PCSK2: variants seen among roughly 807,000 people sequenced by gnomAD.
PCSK2 encodes neuroendocrine convertase 2.
Under a neutral mutation model 69.7 loss-of-function variants are expected in PCSK2, and 14 were observed. The ratio of observed to expected loss-of-function variants is 0.20; its 90% CI spans 0.13 to 0.31. The LOEUF (loss-of-function observed/expected upper bound fraction) is 0.31, where lower values mean the gene tolerates loss of function less well. Among genes scored for constraint, PCSK2 ranks in the 10% least tolerant of loss-of-function variants. PCSK2 has a pLI of 1.00. For synonymous variants in PCSK2, 307 were observed against 320.7 expected, an observed-to-expected ratio of 0.96 and a Z score of 0.46; for missense variants, 544 against 842.5, an observed-to-expected ratio of 0.65 and a Z score of 4.39.
intron 3 of PCSK2, among the ~76,000 whole-genome samples, chr20:17,358,701 T>C (rs373723021): frequency 4.6e-5 from 7 of 152,232 alleles, no homozygotes; most frequent in African/African-American, 1.7e-4. Context: ...TCTTCAGTTC[T>C]GAAAAAGTGC....
chr20:17,273,803 C>G (rs1987955976), intron 2 of PCSK2, among the ~76,000 whole-genome samples: 1 of 152,130 alleles, frequency 6.6e-6, no homozygotes, highest in South Asian at 2.1e-4. Context: ...GTCACAAGTC[C>G]AGCATGAGCT....
At chr20:17,469,618 A>G (rs922445504) in intron 11 of PCSK2, among the ~76,000 whole-genome samples, 3 of 152,114 alleles carry the variant, frequency 2.0e-5, no homozygotes, top group African/African-American at 7.2e-5. Flanking sequence ...TCTAAACCCA[A>G]ACCCCAGGCT....
chr20:17,284,115 C>A (rs1988427060), intron 2 of PCSK2, among the ~76,000 whole-genome samples: 1 of 152,192 alleles, frequency 6.6e-6, no homozygotes, highest in Non-Finnish European at 1.5e-5. Context: ...TGGGAGTTAA[C>A]AAAGCTCTGT....
chr20:17,469,285 G>C (rs2033161300), intron 11 of PCSK2, among the ~76,000 whole-genome samples: 1 of 152,204 alleles, frequency 6.6e-6, no homozygotes, highest in African/African-American at 2.4e-5. Context: ...TGCATGCTAT[G>C]TGCTTTCATA....
At chr20:17,347,848 GAA>G (rs1470464025) in intron 2 of PCSK2, among the ~76,000 whole-genome samples, 3 of 110,104 alleles carry the variant, frequency 2.7e-5, no homozygotes, top group Non-Finnish European at 5.7e-5. Flanking sequence ...AAGAAAGAAA[GAA>G]AGAAAGAAAG....
At chr20:17,281,946 T>C (rs1274437171) in intron 2 of PCSK2, among the ~76,000 whole-genome samples, 1 of 152,106 alleles carries the variant, frequency 6.6e-6, no homozygotes, top group Non-Finnish European at 1.5e-5. Flanking sequence ...ACTGTTGCCC[T>C]TAGGTACCTC....
chr20:17,379,103 C>T (rs548665031), intron 5 of PCSK2, among the ~76,000 whole-genome samples: 1 of 152,334 alleles, frequency 6.6e-6, no homozygotes, highest in South Asian at 2.1e-4. Flanking sequence ...TTGTCCCTCT[C>T]CTCATGTGCC....
At chr20:17,406,199 A>G (rs2031746412) in intron 5 of PCSK2, among the ~76,000 whole-genome samples, 1 of 152,200 alleles carries the variant, frequency 6.6e-6, no homozygotes, top group South Asian at 2.1e-4. Context: ...CCTGTACACA[A>G]ATAACTTTAT....
chr20:17,358,464 G>A, intron 3 of PCSK2, 24 bp downstream of exon 3: 1 of 1,221,508 alleles, frequency 8.2e-7, no homozygotes, highest in Admixed American at 1.7e-5. Flanking sequence ...TGTCCTTTTG[G>A]ACATTTCCCA....
At chr20:17,305,496 A>T (rs1354284143) in intron 2 of PCSK2, among the ~76,000 whole-genome samples, 1 of 152,184 alleles carries the variant, frequency 6.6e-6, no homozygotes, top group African/African-American at 2.4e-5. Flanking sequence ...TCAAAACCCC[A>T]GGCTTGGCTG....
At chr20:17,400,376 T>A (rs2031606794) in intron 5 of PCSK2, among the ~76,000 whole-genome samples, 2 of 152,162 alleles carry the variant, frequency 1.3e-5, no homozygotes, top group South Asian at 4.1e-4. Flanking sequence ...TGCTCTGCCC[T>A]TCATCATCTG....
At chr20:17,356,937 A>T (rs1376352919) in intron 2 of PCSK2, among the ~76,000 whole-genome samples, 1 of 152,026 alleles carries the variant, frequency 6.6e-6, no homozygotes, top group Non-Finnish European at 1.5e-5. Context: ...GGCACCTAGA[A>T]CTTCACTCCA....
intron 2 of PCSK2, among the ~76,000 whole-genome samples, chr20:17,313,641 T>TGCTTTAGAGGGCAGAGGCCTCCAAAGC (rs1989586096): frequency 6.6e-6 from 1 of 152,004 alleles, no homozygotes; most frequent in Non-Finnish European, 1.5e-5. Context: ...GCCTCCAAAG[T>TGCTTTAGAGGGCAGAGGCCTCCAAAGC]TGCTTTAGAG....
intron 1 of PCSK2, among the ~76,000 whole-genome samples, chr20:17,259,558 A>G (rs1987301367): frequency 6.6e-6 from 1 of 152,204 alleles, no homozygotes. Context: ...AGAACAAATG[A>G]TTGGCCTGTT....
At chr20:17,323,553 G>C (rs1989943849) in intron 2 of PCSK2, among the ~76,000 whole-genome samples, 1 of 152,184 alleles carries the variant, frequency 6.6e-6, no homozygotes, top group African/African-American at 2.4e-5. Context: ...CTATTAATGT[G>C]GAGCCAGGGT....
chr20:17,463,102 C>T (rs117516403), intron 10 of PCSK2, among the ~76,000 whole-genome samples: 3,935 of 151,616 alleles, frequency 0.026, 74 homozygotes, highest in Non-Finnish European at 0.037. Context: ...GTGAAAAGTT[C>T]CTTGTTCTGA....
chr20:17,453,799 G>A lies in PCSK2; in HGVS notation c.943G>A (p.Asp315Asn). ...GGCCTCCGGGGACGGCGGCAGCTAT[G>A]ACGACTGCAACTGCGACGGCTACGC... ...VWASGDGGSY[D>N]DCNCDGYASS... The change falls in exon 9 of 12, where the codon GAC (aspartate) becomes AAC (asparagine). Residue 315 changes from aspartate to asparagine, a missense_variant. This residue lies in a region of PCSK2 where 187 missense variants were observed against 399.8 expected (regional missense o/e 0.47). Transcript: ENST00000262545. The surrounding 1 kb of genome is among the most constrained non-coding windows in gnomAD (Gnocchi z 4.0). 6.2e-7 allele frequency: 1 copy of A among 1,614,156 alleles called. No homozygotes were observed.
At chr20:17,265,541 T>C (rs902909732) in intron 2 of PCSK2, among the ~76,000 whole-genome samples, 1 of 152,232 alleles carries the variant, frequency 6.6e-6, no homozygotes. Flanking sequence ...TTTATTAATA[T>C]TATGAGAAAC....
chr20:17,260,234 C>T lies in PCSK2; in HGVS notation c.178-6C>T. ...ACTATGCCTATGTCTACTTGACTCT[C>T]CACAGCTTCCCTTTGCTGAAGGTCT... On this transcript the variant is annotated splice_region_variant and splice_polypyrimidine_tract_variant and intron_variant, in intron 1 of 11. Transcript: ENST00000262545. 1 of 1,598,102 alleles carries T rather than the reference C, an allele frequency of 6.3e-7. No homozygotes were observed. The highest frequency in any genetic ancestry group is 8.6e-7 in the Non-Finnish European group (1 of 1,165,386).
Sources: gnomAD v4.1 joint callset for allele counts (sites outside exome capture counted in the v4.1 genomes callset) on GRCh38, gnomAD v4.1.1 for gene constraint, gnomAD v4.1.1 regional missense constraint, Gnocchi (gnomAD v3.1) non-coding constraint, MANE v1.5 for transcripts, NCBI Gene and HGNC (gene_info 2026-07-23, HGNC 2026-07-21) for gene names.